PGLYRP3: variants seen among roughly 807,000 people sequenced by gnomAD.
PGLYRP3 encodes the protein peptidoglycan recognition protein I alpha.
In PGLYRP3, 39 loss-of-function variants were observed where a neutral mutation model predicts 36.0. The observed-to-expected ratio is 1.08, with a 90% CI of 0.84 to 1.41. PGLYRP3 has a LOEUF of 1.41. Among genes scored for constraint, PGLYRP3 ranks in the 40% most tolerant of loss-of-function variants. The probability of loss-of-function intolerance (pLI) is 0.00; values close to 1 mark genes in which losing one functional copy is unlikely to be tolerated. For missense variants in PGLYRP3, 407 were observed against 427.9 expected, an observed-to-expected ratio of 0.95 and a Z score of 0.43; for synonymous variants, 204 against 172.8, an observed-to-expected ratio of 1.18 and a Z score of -1.42.
chr1:153,306,678 G>A (rs147335733), intron 3 of PGLYRP3, among the ~76,000 whole-genome samples: 6 of 152,248 alleles, frequency 3.9e-5, no homozygotes, highest in East Asian at 1.9e-4. Context: ...TGGCTTTCCC[G>A]CCTGTGAAAT....
In PGLYRP3 at chr1:153,298,005, C is replaced by G; in HGVS notation, c.977G>C (p.Gly326Ala). ...GCTGATGATGTTATACAAAGCCTGCCCAGGGGACAGGATGTTGACCACGTC... is the reference window on the plus strand; with the variant it reads ...GCTGATGATGTTATACAAAGCCTGCGCAGGGGACAGGATGTTGACCACGTC... ...HSDVVNILSP[G>A]QALYNIISTW... Residue 326 changes from glycine (G) to alanine (A), a missense_variant, in exon 8 of 8, where the codon GGG (glycine) becomes GCG (alanine). By Grantham distance (60) the Gly-to-Ala change is moderately conservative. Transcript: ENST00000683862. 2 of 1,613,956 alleles carry G rather than the reference C, an allele frequency of 1.2e-6. No homozygotes were observed. Among genetic ancestry groups the G allele is most frequent in the Non-Finnish European group, 1.7e-6 (2 of 1,179,988 alleles).
chr1:153,298,240 A>T (rs1322238906), intron 7 of PGLYRP3, 106 bp from the exon 8 acceptor site: 2 of 1,253,220 alleles, frequency 1.6e-6, no homozygotes, highest in African/African-American at 3.0e-5. Flanking sequence ...ACCACGCCCC[A>T]TTCCGCCATC....
chr1:153,310,514 A>T, intron 2 of PGLYRP3, 97 bp downstream of exon 2: 1 of 1,313,642 alleles, frequency 7.6e-7, no homozygotes, highest in Non-Finnish European at 1.1e-6. Flanking sequence ...ATCCACTAAC[A>T]AAGTGAAAGC....
chr1:153,300,674 T>C (rs1659568716), intron 6 of PGLYRP3, among the ~76,000 whole-genome samples: 1 of 152,228 alleles, frequency 6.6e-6, no homozygotes, highest in Admixed American at 6.5e-5. Flanking sequence ...GACATCTGGC[T>C]GATGAAGAAC....
chr1:153,301,307 T>A (rs577127498), intron 6 of PGLYRP3, among the ~76,000 whole-genome samples: 1 of 152,336 alleles, frequency 6.6e-6, no homozygotes, highest in African/African-American at 2.4e-5. Context: ...AGCTATCCAA[T>A]AACTATTGAT....
Position 153,310,626 on chromosome 1 carries a change from C to A in PGLYRP3, c.40G>T (p.Gly14Cys). The A allele has an allele frequency of 6.2e-7, 1 of 1,614,098 alleles. No homozygotes were observed. Among genetic ancestry groups the A allele is most frequent in the Middle Eastern group, 1.6e-4 (1 of 6,062 alleles). The change falls in exon 2 of 8, where the codon GGT becomes TGT. Residue 14 changes from glycine to cysteine, a missense_variant. Transcript: ENST00000683862. ...TAAAACTTACCCCAAGCCTGGAGAC[C>A]CAGAATGAAGAAGGCAAGAAGCCAT... ...LPWLLAFFILGLQAWDTPTIV... is the reference protein window; with the variant it reads ...LPWLLAFFILCLQAWDTPTIV...
intron 1 of PGLYRP3, among the ~76,000 whole-genome samples, chr1:153,311,440 A>T (rs1479298980): frequency 6.6e-6 from 1 of 152,202 alleles, no homozygotes; most frequent in Admixed American, 6.5e-5. Flanking sequence ...ATAGGGTCAG[A>T]GCCAGATTCA....
At chr1:153,307,014 A>C (rs1659755463) in intron 3 of PGLYRP3, 52 bp downstream of exon 3, 1 of 1,561,804 alleles carries the variant, frequency 6.4e-7, no homozygotes, top group East Asian at 2.3e-5. Context: ...GGAAGTGGGA[A>C]GCACCCCCGT....
Position 153,297,350 on chromosome 1 carries a change from G to C in PGLYRP3, c.*606C>G, listed in dbSNP as rs901928577. Among the ~76,000 whole-genome samples the C allele has an allele frequency of 6.6e-6, 1 of 150,808 alleles. No individual in the cohort carries two copies. The highest frequency in any genetic ancestry group is 2.4e-5 in the African/African-American group (1 of 40,876). ...TACCAGTCCATGTGTGAGCAGAGAG[G>C]GGGGGTGGGCACACTGACCTAGGTC... On this transcript the variant is annotated 3_prime_UTR_variant, in exon 8 of 8. Transcript: ENST00000683862.
chr1:153,299,163 T>G lies in PGLYRP3; in HGVS notation c.797A>C (p.Tyr266Ser). ...VGWHIQGSHT[Y>S]GFNDIALGIA... ...TCCTAGGGCAATATCGTTGAATCCA[T>G]AAGTGTGAGAGCCTTGGATGTGCCA... The change falls in exon 7 of 8, where the codon TAT becomes TCT. Residue 266 changes from tyrosine (Y) to serine (S), a missense_variant. Tyr to Ser is a moderately radical substitution (Grantham distance 144). Transcript: ENST00000683862. The G allele has an allele frequency of 6.2e-7, 1 of 1,614,100 alleles. No individual in the cohort carries two copies. Among genetic ancestry groups the G allele is most frequent in the Non-Finnish European group, 8.5e-7 (1 of 1,180,024 alleles).
rs1557805287 is a variant in PGLYRP3, at chr1:153,297,542, G to GAA, written c.*413_*414insTT. Among the ~76,000 whole-genome samples the GAA allele has an allele frequency of 2.2e-5, 2 of 89,548 alleles. No individual in the cohort carries two copies. The highest frequency in any genetic ancestry group is 1.0e-4 in the African/African-American group (2 of 20,054). The allele number at this position is 89,548 out of a possible 152,430, so 58.7% of individuals were successfully genotyped here. ...AGGAAGGAAGGAAGGAAGGAAGGAA[G>GAA]GAAGGAAGGAAAGAAAGAAAAAGAA... On this transcript the variant is annotated 3_prime_UTR_variant, in exon 8 of 8. Coordinates refer to ENST00000683862, the MANE Select transcript of PGLYRP3 (RefSeq NM_052891.3).
chr1:153,302,390 T>C lies in PGLYRP3; in HGVS notation c.728+19A>G, dbSNP rs1571101649. ...ATCCTGAAGAAAAAGAGGGTTCTTT[T>C]GGCATTGATCCCACTTACTGATATC... On this transcript the variant is annotated intron_variant, in intron 6 of 7. Coordinates refer to ENST00000683862, the MANE Select transcript of PGLYRP3 (RefSeq NM_052891.3). The C allele has an allele frequency of 6.2e-7, 1 of 1,611,958 alleles. No homozygotes were observed. The highest frequency in any genetic ancestry group is 1.3e-5 in the African/African-American group (1 of 75,006).
chr1:153,297,504 AAGGAAGGAAGGAAGG>A lies in PGLYRP3; in HGVS notation c.*437_*451del. Among the ~76,000 whole-genome samples, 1 of 47,940 alleles carries A rather than the reference AAGGAAGGAAGGAAGG, an allele frequency of 2.1e-5. No homozygotes were observed. The highest frequency in any genetic ancestry group is 9.5e-5 in the African/African-American group (1 of 10,474). 31.5% of individuals were successfully genotyped at this position (47,940 alleles called of 152,430 possible). A position where few individuals can be genotyped will look rare whatever the true frequency, so the allele number is the denominator to read the frequency against. On this transcript the variant is annotated 3_prime_UTR_variant, in exon 8 of 8. Coordinates refer to ENST00000683862, the MANE Select transcript of PGLYRP3 (RefSeq NM_052891.3). ...AGAAAGCAAGAAAGAAGGTGAAAGGAAGGAAGGAAGGAAGGAAGGAAGGAAGGAAGGAAGGAAGGA... is the reference window on the plus strand; with the variant it reads ...AGAAAGCAAGAAAGAAGGTGAAAGGAAAGGAAGGAAGGAAGGAAGGAAGGA...
At chr1:153,301,755 A>G (rs1391508285) in intron 6 of PGLYRP3, among the ~76,000 whole-genome samples, 4 of 152,266 alleles carry the variant, frequency 2.6e-5, no homozygotes, top group Non-Finnish European at 5.9e-5. Flanking sequence ...GAAATACATT[A>G]TACTCTAGCC....
intron 4 of PGLYRP3, 96 bp downstream of exon 4, chr1:153,304,851 T>A: frequency 2.3e-6 from 2 of 866,204 alleles, no homozygotes; most frequent in Non-Finnish European, 3.6e-6. Context: ...AAGGTAAGTA[T>A]GATGTAGGGT....
intron 5 of PGLYRP3, 129 bp downstream of exon 5, chr1:153,303,728 A>G (rs954731985): frequency 9.0e-7 from 1 of 1,116,202 alleles, no homozygotes; most frequent in African/African-American, 1.5e-5. Context: ...CCAGATCTCA[A>G]AGTAGGCATG....
In PGLYRP3 at chr1:153,307,083, C is replaced by A; in HGVS notation, c.240G>T (p.Trp80Cys). The change falls in exon 3 of 8, where the codon TGG (tryptophan) becomes TGT (cysteine). Residue 80 changes from tryptophan to cysteine, a missense_variant. Transcript: ENST00000683862. Reference protein sequence around the residue: ...LQSHSVYTIGWCDVAYNFLVG... With the variant: ...LQSHSVYTIGCCDVAYNFLVG... ...CCTCTTACTTGTACGCCACGTCGCA[C>A]CAGCCTATGGTGTAGACGGAATGGG... 3 of 1,613,760 alleles carry A rather than the reference C, an allele frequency of 1.9e-6. No homozygotes were observed. The highest frequency in any genetic ancestry group is 2.5e-6 in the Non-Finnish European group (3 of 1,179,852).
Position 153,302,359 on chromosome 1 carries a change from C to G in PGLYRP3, c.728+50G>C, listed in dbSNP as rs756831915. ...TCAGTTCCCTCCCACAGCCTTCCTT[C>G]CTACAATCCTGAAGAAAAAGAGGGT... On this transcript the variant is annotated intron_variant, in intron 6 of 7. Coordinates refer to ENST00000683862, the MANE Select transcript of PGLYRP3 (RefSeq NM_052891.3). The G allele has an allele frequency of 3.8e-6, 6 of 1,588,966 alleles. No homozygotes were observed. The East Asian group carries it at 1.1e-4, about 30-fold the overall frequency.
At chr1:153,304,037 A>C in intron 4 of PGLYRP3, 28 bp from the exon 5 acceptor site, 1 of 1,593,938 alleles carries the variant, frequency 6.3e-7, no homozygotes, top group East Asian at 2.2e-5. Context: ...GGAGCACAAA[A>C]ATGTCAGTAA....
Sources: allele counts gnomAD v4.1 joint callset (sites outside exome capture counted in the v4.1 genomes callset), GRCh38; gene constraint gnomAD v4.1.1; transcripts MANE v1.5; gene names NCBI Gene and HGNC (gene_info 2026-07-23, HGNC 2026-07-21).